AKAP5: variants seen among roughly 807,000 people sequenced by gnomAD.
AKAP5 encodes the protein A-kinase anchor protein 5.
AKAP5 carries 5 observed loss-of-function variants against 13.8 expected under a neutral mutation model. That is an observed-to-expected ratio of 0.36 (90% CI 0.19 to 0.76). The LOEUF (loss-of-function observed/expected upper bound fraction) is 0.76. AKAP5 is among the 30% of genes least tolerant of loss of function. The pLI, the probability that AKAP5 is intolerant of heterozygous loss-of-function variation, is 0.51. For missense variants in AKAP5, 406 were observed against 484.4 expected, an observed-to-expected ratio of 0.84 and a Z score of 1.52; for synonymous variants, 148 against 167.2, an observed-to-expected ratio of 0.89 and a Z score of 0.89.
In AKAP5 at chr14:64,468,843, G is replaced by T. The variant is rs778347152; in HGVS notation, c.449G>T (p.Cys150Phe). 6.2e-6 allele frequency: 10 copies of T among 1,614,138 alleles called. 1 individual carries two copies. The South Asian group carries it at 1.1e-4, about 18-fold the overall frequency. ...NHSKIIEDSDCSIKVQEEAEI... is the reference protein window; with the variant it reads ...NHSKIIEDSDFSIKVQEEAEI... ...TCCAAAATTATAGAAGACTCAGACT[G>T]CAGCATCAAAGTCCAGGAAGAAGCT... The change falls in exon 2 of 2, where the codon TGC becomes TTC. Residue 150 changes from cysteine to phenylalanine, a missense_variant. Physicochemically the swap from Cys to Phe is radical, Grantham distance 205. Coordinates refer to ENST00000394718, the MANE Select transcript of AKAP5 (RefSeq NM_004857.3).
Position 64,469,630 on chromosome 14 carries a change from TAATGA to T in AKAP5, c.1241_1245del (p.Glu414GlyfsTer3). On this transcript the variant is annotated frameshift_variant, in exon 2 of 2. Coordinates refer to ENST00000394718, the MANE Select transcript of AKAP5 (RefSeq NM_004857.3). LOFTEE classifies it high-confidence loss of function. ...TTCAGTTGTCAATAGAACAGCTGGT[TAATGA>T]AATGGCCTCTGATGATAATAAAATA... The T allele has an allele frequency of 6.2e-7, 1 of 1,607,196 alleles. No individual in the cohort carries two copies. Among genetic ancestry groups the T allele is most frequent in the Non-Finnish European group, 8.5e-7 (1 of 1,178,174 alleles).
Position 64,471,686 on chromosome 14 carries a change from G to A in AKAP5, c.*2008G>A, listed in dbSNP as rs1037355312. On this transcript the variant is annotated 3_prime_UTR_variant, in exon 2 of 2. Coordinates refer to ENST00000394718, the MANE Select transcript of AKAP5 (RefSeq NM_004857.3). ...TATTCCCCCATTGTGTAAATTGAGTGATTGTGTTACTACTTGAAACAGATG... is the reference window on the plus strand; with the variant it reads ...TATTCCCCCATTGTGTAAATTGAGTAATTGTGTTACTACTTGAAACAGATG... The A allele has an allele frequency of 3.0e-5, 5 of 166,154 alleles. No individual in the cohort carries two copies. The highest frequency in any genetic ancestry group is 1.2e-4 in the African/African-American group (5 of 41,368). 10.3% of individuals were successfully genotyped at this position (166,154 alleles called of 1,614,324 possible).
rs988644435 is a variant in AKAP5, at chr14:64,471,473, GAT to G, written c.*1799_*1800del. The G allele has an allele frequency of 4.8e-5, 8 of 166,996 alleles. No individual in the cohort carries two copies. The highest frequency in any genetic ancestry group is 2.1e-4 in the South Asian group (1 of 4,816). 10.3% of individuals were successfully genotyped at this position (166,996 alleles called of 1,614,324 possible). On this transcript the variant is annotated 3_prime_UTR_variant, in exon 2 of 2. Transcript: ENST00000394718. ...GGCCTTCATCACTATTTTCAATCCA[GAT>G]ATACTTTACAAAAATGAGAAGGGCT...
intron 1 of AKAP5, among the ~76,000 whole-genome samples, chr14:64,466,072 G>C (rs1161104945): frequency 6.6e-6 from 1 of 152,092 alleles, no homozygotes; most frequent in African/African-American, 2.4e-5. Flanking sequence ...TTCGTGGTCC[G>C]TATCTGGTGC....
rs779407522 is a variant in AKAP5 at position 64,469,141 on chromosome 14, A to T, written c.747A>T (p.Pro249=). 6.2e-7 allele frequency: 1 copy of T among 1,614,174 alleles called. No homozygotes were observed. The highest frequency in any genetic ancestry group is 8.5e-7 in the Non-Finnish European group (1 of 1,180,038). The change falls in exon 2 of 2, where the codon CCA becomes CCT. Residue 249 remains proline (P), a synonymous_variant. Transcript: ENST00000394718. ...ATGTTCAACCCCAGCAAGCAAGCCC[A>T]CTTGAAACTTCAGAAACAGACCATC... The part of the protein sequence containing the change: ...KQDVQPQQAS[P]LETSETDHQQ...
In AKAP5 at chr14:64,474,487, A is replaced by G. The variant is rs1436882536; in HGVS notation, c.*4809A>G. The G allele has an allele frequency of 6.0e-6, 1 of 167,018 alleles. No homozygotes were observed. Among genetic ancestry groups the G allele is most frequent in the Non-Finnish European group, 1.5e-5 (1 of 68,118 alleles). 10.3% of individuals were successfully genotyped at this position (167,018 alleles called of 1,614,324 possible). A position where few individuals can be genotyped will look rare whatever the true frequency, so the allele number is the denominator to read the frequency against. On this transcript the variant is annotated 3_prime_UTR_variant, in exon 2 of 2. Coordinates refer to ENST00000394718, the MANE Select transcript of AKAP5 (RefSeq NM_004857.3). ...ATGTACTGATTATTAATACAGAATAAATGTTATATTGACTCATGTTTATTC... is the reference window on the plus strand; with the variant it reads ...ATGTACTGATTATTAATACAGAATAGATGTTATATTGACTCATGTTTATTC...
Position 64,471,756 on chromosome 14 carries a change from G to C in AKAP5, c.*2078G>C, listed in dbSNP as rs1485104030. The C allele has an allele frequency of 1.2e-5, 2 of 167,000 alleles. No homozygotes were observed. The highest frequency in any genetic ancestry group is 1.9e-4 in the East Asian group (1 of 5,204). 10.3% of individuals were successfully genotyped at this position (167,000 alleles called of 1,614,324 possible). ...TGAGATGTAAGGTATTTGTTCAAGA[G>C]CTCCACTTGGAGGAAATAATGCACA... is the stretch of plus-strand genomic sequence containing the variant. On this transcript the variant is annotated 3_prime_UTR_variant, in exon 2 of 2. Coordinates refer to ENST00000394718, the MANE Select transcript of AKAP5 (RefSeq NM_004857.3).
At chr14:64,466,156 T>C (rs1281571829) in intron 1 of AKAP5, among the ~76,000 whole-genome samples, 2 of 152,140 alleles carry the variant, frequency 1.3e-5, no homozygotes, top group Non-Finnish European at 2.9e-5. Context: ...TTCTGTGACA[T>C]GAGACTTGCA....
At position 64,468,863 on chromosome 14, in the gene AKAP5, G is replaced by T; in HGVS notation, c.469G>T (p.Glu157Ter). 6.2e-7 allele frequency: 1 copy of T among 1,614,160 alleles called. No homozygotes were observed. The highest frequency in any genetic ancestry group is 8.5e-7 in the Non-Finnish European group (1 of 1,180,052). The change falls in exon 2 of 2, where the codon GAA becomes TAA. Residue 157 changes from glutamate (E) to a stop codon, truncating the protein, a stop_gained. Transcript: ENST00000394718. LOFTEE classifies it low-confidence loss of function (END_TRUNC). ...AGACTGCAGCATCAAAGTCCAGGAA[G>T]AAGCTGAAATTTTGGATATACAAAC... ...DSDCSIKVQE[E>*]AEILDIQTQT...
rs1474675779 is a variant in AKAP5, at chr14:64,472,652, T to C, written c.*2974T>C. 6.0e-6 allele frequency: 1 copy of C among 167,020 alleles called. No homozygotes were observed. Among genetic ancestry groups the C allele is most frequent in the Non-Finnish European group, 1.5e-5 (1 of 68,090 alleles). 10.3% of individuals were successfully genotyped at this position (167,020 alleles called of 1,614,324 possible). A position where few individuals can be genotyped will look rare whatever the true frequency, so the allele number is the denominator to read the frequency against. ...CAGTTAGAAAAAGGAATTCCGAAAT[T>C]AACTGGTCTCAATCTGATTATATGT... On this transcript the variant is annotated 3_prime_UTR_variant, in exon 2 of 2. Coordinates refer to ENST00000394718, the MANE Select transcript of AKAP5 (RefSeq NM_004857.3).
At position 64,472,774 on chromosome 14, in the gene AKAP5, A is replaced by C; in HGVS notation, c.*3096A>C. ...AGAAATCAGATGGCTTCAGAGTCAT[A>C]AAATATTTTTCTTGTAATAGTATTT... On this transcript the variant is annotated 3_prime_UTR_variant, in exon 2 of 2. Coordinates refer to ENST00000394718, the MANE Select transcript of AKAP5 (RefSeq NM_004857.3). 1 of 166,926 alleles carries C rather than the reference A, an allele frequency of 6.0e-6. No homozygotes were observed. 10.3% of individuals were successfully genotyped at this position (166,926 alleles called of 1,614,324 possible).
rs1173529161 is a variant in AKAP5, at chr14:64,472,879, A to C, written c.*3201A>C. ...AATTCATGTCCATTTAACAACATTAAAATAATTATTAGGAACACCACATGA... is the reference window on the plus strand; with the variant it reads ...AATTCATGTCCATTTAACAACATTACAATAATTATTAGGAACACCACATGA... On this transcript the variant is annotated 3_prime_UTR_variant, in exon 2 of 2. Transcript: ENST00000394718. 6.0e-6 allele frequency: 1 copy of C among 167,060 alleles called. No individual in the cohort carries two copies. Among genetic ancestry groups the C allele is most frequent in the Non-Finnish European group, 1.5e-5 (1 of 68,090 alleles). The allele number at this position is 167,060 out of a possible 1,614,324, so 10.3% of individuals were successfully genotyped here.
At chr14:64,466,071 C>T (rs1389324639) in intron 1 of AKAP5, among the ~76,000 whole-genome samples, 1 of 152,086 alleles carries the variant, frequency 6.6e-6, no homozygotes, top group African/African-American at 2.4e-5. Flanking sequence ...CTTCGTGGTC[C>T]GTATCTGGTG....
chr14:64,466,227 G>T (rs2078611965), intron 1 of AKAP5, among the ~76,000 whole-genome samples: 1 of 152,218 alleles, frequency 6.6e-6, no homozygotes, highest in Non-Finnish European at 1.5e-5. Flanking sequence ...AGCTACCCTT[G>T]CTGGTTAAGA....
rs913878475 is a variant in AKAP5 at position 64,468,765 on chromosome 14, G to T, written c.371G>T (p.Arg124Ile). The T allele has an allele frequency of 6.2e-7, 1 of 1,614,134 alleles. No individual in the cohort carries two copies. The highest frequency in any genetic ancestry group is 1.7e-5 in the Admixed American group (1 of 60,020). Residue 124 changes from arginine to isoleucine, a missense_variant, in exon 2 of 2, where the codon AGA becomes ATA. Physicochemically the swap from Arg to Ile is moderately conservative, Grantham distance 97. Coordinates refer to ENST00000394718, the MANE Select transcript of AKAP5 (RefSeq NM_004857.3). ...CTTTCTAAGAAAAAGGCAAAATCTA[G>T]ACTTAAGATTCCCTGCATAAAATTC... ...ADLSKKKAKS[R>I]LKIPCIKFPR...
At position 64,472,840 on chromosome 14, in the gene AKAP5, A is replaced by G. The variant is rs2078688659; in HGVS notation, c.*3162A>G. 6.0e-6 allele frequency: 1 copy of G among 167,086 alleles called. No individual in the cohort carries two copies. The highest frequency in any genetic ancestry group is 1.5e-5 in the Non-Finnish European group (1 of 68,100). 10.4% of individuals were successfully genotyped at this position (167,086 alleles called of 1,614,324 possible). On this transcript the variant is annotated 3_prime_UTR_variant, in exon 2 of 2. Coordinates refer to ENST00000394718, the MANE Select transcript of AKAP5 (RefSeq NM_004857.3). The stretch of plus-strand genomic sequence containing the variant: ...ATATGCAAACGTTAAGTGAATATAA[A>G]TAAGTTCTGTTTCAATTCATGTCCA...
chr14:64,468,299 T>A lies in AKAP5; in HGVS notation c.-96T>A. 1 of 1,192,068 alleles carries A rather than the reference T, an allele frequency of 8.4e-7. No individual in the cohort carries two copies. Among genetic ancestry groups the A allele is most frequent in the South Asian group, 1.7e-5 (1 of 60,364 alleles). 73.8% of individuals were successfully genotyped at this position (1,192,068 alleles called of 1,614,324 possible). On this transcript the variant is annotated 5_prime_UTR_variant, in exon 2 of 2. Coordinates refer to ENST00000394718, the MANE Select transcript of AKAP5 (RefSeq NM_004857.3). ...GGTATGAATATGCCTGGAAGAAATT[T>A]TACCTAGTGTGACATTTTTGCTCAT...
rs373982222 is a variant in AKAP5 at position 64,470,892 on chromosome 14, A to C, written c.*1214A>C. The C allele has an allele frequency of 7.8e-5, 13 of 167,174 alleles. No individual in the cohort carries two copies. In the East Asian group the frequency reaches 2.5e-3, roughly 32 times the overall value. 10.4% of individuals were successfully genotyped at this position (167,174 alleles called of 1,614,324 possible). A position where few individuals can be genotyped will look rare whatever the true frequency, so the allele number is the denominator to read the frequency against. On this transcript the variant is annotated 3_prime_UTR_variant, in exon 2 of 2. Transcript: ENST00000394718. ...AATTACTTCTTTAAGAGCCATATTCATCAACTTCTCTCCAAAGAGGGGAGA... is the reference window on the plus strand; with the variant it reads ...AATTACTTCTTTAAGAGCCATATTCCTCAACTTCTCTCCAAAGAGGGGAGA...
Position 64,470,349 on chromosome 14 carries a change from G to C in AKAP5, c.*671G>C, listed in dbSNP as rs1320368288. ...TCACGCCTATAATCCCAGCACTTTG[G>C]GAGGCCAAGGCGGGTGGATCAGCTA... is the stretch of plus-strand genomic sequence containing the variant. On this transcript the variant is annotated 3_prime_UTR_variant, in exon 2 of 2. Transcript: ENST00000394718. The C allele has an allele frequency of 6.0e-6, 1 of 166,488 alleles. No individual in the cohort carries two copies. The highest frequency in any genetic ancestry group is 1.5e-5 in the Non-Finnish European group (1 of 68,172). 10.3% of individuals were successfully genotyped at this position (166,488 alleles called of 1,614,324 possible).
Sources: allele counts gnomAD v4.1 joint callset (sites outside exome capture counted in the v4.1 genomes callset), GRCh38; gene constraint gnomAD v4.1.1; transcripts MANE v1.5; gene names NCBI Gene and HGNC (gene_info 2026-07-23, HGNC 2026-07-21).